Variants in LOC128462377 observed in about 807,000 individuals in gnomAD.
chr16:89,401,389 T>C, the LOC128462377 span, among the ~76,000 whole-genome samples: 1 of 152,152 alleles, frequency 6.6e-6, no homozygotes, highest in Admixed American at 6.5e-5. Context: ...AATTTCTCTC[T>C]TGATTATGCA....
the LOC128462377 span, among the ~76,000 whole-genome samples, chr16:89,321,386 G>C: frequency 2.0e-5 from 3 of 151,684 alleles, no homozygotes; most frequent in Non-Finnish European, 2.9e-5. Flanking sequence ...GGCAGGACTG[G>C]GGCTGCAGGG....
chr16:89,321,354 C>T, the LOC128462377 span: 1 of 152,244 alleles, frequency 6.6e-6, no homozygotes, highest in African/African-American at 2.4e-5. Context: ...GCCAGGACAA[C>T]CCTGAGACAC....
chr16:89,321,463 G>T, the LOC128462377 span, among the ~76,000 whole-genome samples: 1 of 150,730 alleles, frequency 6.6e-6, no homozygotes, highest in Admixed American at 6.6e-5. Context: ...GAGCTGCGGG[G>T]CGGGGACTGT....
the LOC128462377 span, among the ~76,000 whole-genome samples, chr16:89,333,455 A>T: frequency 6.6e-6 from 1 of 152,218 alleles, no homozygotes; most frequent in East Asian, 1.9e-4. Context: ...ATGTGGACCC[A>T]CCGTTGTGGT....
chr16:89,323,370 A>G, the LOC128462377 span: 2 of 1,281,528 alleles, frequency 1.6e-6, no homozygotes, highest in Admixed American at 4.6e-5. Context: ...CTCACCTCTC[A>G]CCATCTCAGT....
the LOC128462377 span, among the ~76,000 whole-genome samples, chr16:89,340,153 T>C: frequency 1.3e-5 from 2 of 152,232 alleles, no homozygotes; most frequent in African/African-American, 4.8e-5. Flanking sequence ...TAACTAGAAA[T>C]GGAATTTCTA....
At chr16:89,413,455 C>G in the LOC128462377 span, among the ~76,000 whole-genome samples, 1 of 152,236 alleles carries the variant, frequency 6.6e-6, no homozygotes, top group African/African-American at 2.4e-5. Flanking sequence ...GAAACCCCGT[C>G]TCTACTAAAG....
chr16:89,384,879 C>CTTTTTTTTTTTTTTTTTTGTTTTTT, the LOC128462377 span, among the ~76,000 whole-genome samples: 1 of 49,910 alleles, frequency 2.0e-5, no homozygotes, highest in Non-Finnish European at 3.5e-5. Flanking sequence ...AAATAGTTTT[C>CTTTTTTTTTTTTTTTTTTGTTTTTT]TTTTTTTTTT....
At chr16:89,393,234 T>C in the LOC128462377 span, among the ~76,000 whole-genome samples, 1 of 152,190 alleles carries the variant, frequency 6.6e-6, no homozygotes, top group African/African-American at 2.4e-5. Context: ...ACAGGTGACA[T>C]GGCTCCCACC....
At chr16:89,317,494 C>T in the LOC128462377 span, among the ~76,000 whole-genome samples, 2 of 152,190 alleles carry the variant, frequency 1.3e-5, no homozygotes, top group South Asian at 4.1e-4. Context: ...AGTACCCCAG[C>T]CCTCAGGTCT....
the LOC128462377 span, among the ~76,000 whole-genome samples, chr16:89,383,240 T>G: frequency 1.3e-5 from 2 of 152,226 alleles, no homozygotes; most frequent in Non-Finnish European, 2.9e-5. Context: ...AGTGTTCAGC[T>G]GGCTGAAAGC....
chr16:89,336,223 G>A, the LOC128462377 span, among the ~76,000 whole-genome samples: 3 of 152,226 alleles, frequency 2.0e-5, no homozygotes, highest in Admixed American at 6.5e-5. Context: ...GACTTGAGGG[G>A]TTCAGGCAAG....
the LOC128462377 span, among the ~76,000 whole-genome samples, chr16:89,335,213 C>T: frequency 6.6e-6 from 1 of 152,314 alleles, no homozygotes; most frequent in East Asian, 1.9e-4. Context: ...ATTGTCCTGG[C>T]GTTCCATGCA....
At chr16:89,380,975 A>G in the LOC128462377 span, among the ~76,000 whole-genome samples, 1 of 152,134 alleles carries the variant, frequency 6.6e-6, no homozygotes, top group South Asian at 2.1e-4. Flanking sequence ...GCAAGGTTCT[A>G]AGGGGCTCCG....
the LOC128462377 span, among the ~76,000 whole-genome samples, chr16:89,321,544 A>G: frequency 6.6e-6 from 1 of 152,148 alleles, no homozygotes; most frequent in African/African-American, 2.4e-5. Context: ...AGGCCTTGGC[A>G]TCACCAGGGA....
At chr16:89,333,421 C>T in the LOC128462377 span, among the ~76,000 whole-genome samples, 1 of 152,166 alleles carries the variant, frequency 6.6e-6, no homozygotes, top group African/African-American at 2.4e-5. Context: ...GCTGTGCAGT[C>T]TATGGTTGGA....
the LOC128462377 span, among the ~76,000 whole-genome samples, chr16:89,391,603 C>A: frequency 2.6e-5 from 4 of 152,174 alleles, no homozygotes; most frequent in Non-Finnish European, 5.9e-5. Context: ...ACTAACTGAG[C>A]TTAGAAATAC....
the LOC128462377 span, chr16:89,324,143 G>C: frequency 4.2e-6 from 4 of 959,198 alleles, no homozygotes; most frequent in Admixed American, 1.2e-4. Context: ...CTCTACTGCA[G>C]CCCTGTTTCC....
chr16:89,382,166 T>C, the LOC128462377 span, among the ~76,000 whole-genome samples: 2 of 151,770 alleles, frequency 1.3e-5, no homozygotes, highest in East Asian at 3.9e-4. Flanking sequence ...CTCCCACCCA[T>C]CTCCTCTTTC....
Sources: gnomAD v4.1 joint callset for allele counts (sites outside exome capture counted in the v4.1 genomes callset) on GRCh38, gnomAD v4.1.1 for gene constraint, MANE v1.5 for transcripts.